The following XPO7 variants were observed in gnomAD, a reference collection of about 807,000 sequenced individuals.
XPO7 encodes exportin-7.
XPO7 carries 21 observed loss-of-function variants against 144.3 expected under a neutral mutation model. The observed-to-expected ratio is 0.15, with a 90% CI of 0.10 to 0.21. XPO7 has a LOEUF of 0.21. Among genes scored for constraint, XPO7 ranks in the 10% least tolerant of loss-of-function variants. The pLI, the probability that XPO7 is intolerant of heterozygous loss-of-function variation, is 1.00. For synonymous variants in XPO7, 580 were observed against 499.6 expected (o/e 1.16, Z -2.15); for missense variants, 808 against 1,325.8 (o/e 0.61, Z 6.06).
At chr8:21,946,058 C>G (rs1288140358) in intron 1 of XPO7, among the ~76,000 whole-genome samples, 1 of 152,098 alleles carries the variant, frequency 6.6e-6, no homozygotes, top group African/African-American at 2.4e-5. Flanking sequence ...TGGAGGTACT[C>G]GGGATTTCCA....
At chr8:21,923,329 C>T (rs1201236983) in intron 1 of XPO7, among the ~76,000 whole-genome samples, 1 of 152,152 alleles carries the variant, frequency 6.6e-6, no homozygotes, top group Non-Finnish European at 1.5e-5. Context: ...AGAAAGAATA[C>T]ATTGATTTCA....
chr8:21,974,207 A>AT (rs1233612498), intron 5 of XPO7, among the ~76,000 whole-genome samples: 1 of 144,714 alleles, frequency 6.9e-6, no homozygotes, highest in Admixed American at 6.9e-5. Context: ...TTTTATTTTT[A>AT]TTTTTTTTAG....
At chr8:21,920,040 C>T (rs892920401) in intron 1 of XPO7, among the ~76,000 whole-genome samples, 3 of 151,660 alleles carry the variant, frequency 2.0e-5, no homozygotes, top group African/African-American at 7.3e-5. Context: ...GAACGGGCAT[C>T]CCGGCGCGCG....
At chr8:21,943,708 A>G (rs1811068367) in intron 1 of XPO7, among the ~76,000 whole-genome samples, 1 of 152,200 alleles carries the variant, frequency 6.6e-6, no homozygotes, top group African/African-American at 2.4e-5. Flanking sequence ...AATATCTCAC[A>G]CATTTGAAAG....
intron 6 of XPO7, among the ~76,000 whole-genome samples, 200 bp downstream of exon 6, chr8:21,974,974 TC>T (rs768956361): frequency 4.5e-4 from 69 of 152,232 alleles, no homozygotes; most frequent in Non-Finnish European, 8.1e-4. Context: ...GATTGTCACT[TC>T]CCTGTTTAAG....
At chr8:22,003,754 G>T in intron 26 of XPO7, 149 bp from the exon 27 acceptor site, 6 of 1,152,512 alleles carry the variant, frequency 5.2e-6, no homozygotes, top group Non-Finnish European at 7.2e-6. Context: ...TCCCACAAGT[G>T]CTTGCCTGAA....
At chr8:21,956,718 TATGTTCTTTGA>T (rs1293850693) in intron 1 of XPO7, among the ~76,000 whole-genome samples, 3 of 152,146 alleles carry the variant, frequency 2.0e-5, no homozygotes, top group Non-Finnish European at 4.4e-5. Context: ...CATCTCTTTT[TATGTTCTTTGA>T]ATGTCTTTTT....
At chr8:21,974,198 T>C (rs1812154906) in intron 5 of XPO7, among the ~76,000 whole-genome samples, 1 of 148,924 alleles carries the variant, frequency 6.7e-6, no homozygotes, top group African/African-American at 2.5e-5. Context: ...TTTTTATTTT[T>C]TTATTTTTAT....
rs1264847289 is a variant in XPO7 at position 21,972,477 on chromosome 8, C to CA, written c.492+543dup. On this transcript the variant is annotated intron_variant, in intron 5 of 27. Transcript: ENST00000252512. ...GGGCAACAAGAGCGAAACTCCATCTCAAAAAAAGCAAAATACTACTGCCTT... is the reference window on the plus strand; with the variant it reads ...GGGCAACAAGAGCGAAACTCCATCTCAAAAAAAAGCAAAATACTACTGCCTT... 6.6e-5 allele frequency among the ~76,000 whole-genome samples: 10 copies of CA among 152,068 alleles called. No individual in the cohort carries two copies. The South Asian group carries it at 2.1e-3, about 32-fold the overall frequency.
intron 1 of XPO7, among the ~76,000 whole-genome samples, chr8:21,926,081 A>G (rs1810450325): frequency 6.6e-6 from 1 of 152,214 alleles, no homozygotes. Context: ...TGATGCCGGT[A>G]GGCTGAGAAA....
chr8:21,920,244 C>T (rs146770260), intron 1 of XPO7, among the ~76,000 whole-genome samples: 51 of 152,084 alleles, frequency 3.4e-4, no homozygotes, highest in Non-Finnish European at 4.4e-4. Flanking sequence ...AAACCTCGCT[C>T]TCCGGAGTCT....
chr8:21,928,511 C>CA (rs1279024970), intron 1 of XPO7, among the ~76,000 whole-genome samples: 1 of 152,170 alleles, frequency 6.6e-6, no homozygotes, highest in African/African-American at 2.4e-5. Flanking sequence ...GTCAATTTTC[C>CA]AAAATGACTG....
chr8:21,937,315 A>C (rs1432049159), intron 1 of XPO7, among the ~76,000 whole-genome samples: 1 of 152,218 alleles, frequency 6.6e-6, no homozygotes, highest in Non-Finnish European at 1.5e-5. Flanking sequence ...TGCTTTTTAA[A>C]ACATCTTGAT....
intron 1 of XPO7, chr8:21,966,221 G>C (rs187710127): frequency 3.9e-6 from 3 of 761,306 alleles, no homozygotes; most frequent in South Asian, 2.8e-5. Context: ...TTATTTTGAC[G>C]CTTTCATTTT....
At chr8:21,920,369 G>A (rs1406706607) in intron 1 of XPO7, among the ~76,000 whole-genome samples, 4 of 151,702 alleles carry the variant, frequency 2.6e-5, no homozygotes, top group African/African-American at 9.7e-5. Flanking sequence ...CGTACAGCCC[G>A]GAGGGCCGAG....
chr8:21,946,353 A>C (rs1270826840), intron 1 of XPO7, among the ~76,000 whole-genome samples: 1 of 152,192 alleles, frequency 6.6e-6, no homozygotes, highest in African/African-American at 2.4e-5. Flanking sequence ...CTTGAAAAAT[A>C]ATCAAATATA....
chr8:21,919,742 G>GC lies in XPO7; in HGVS notation c.-29_-28insC. 3 of 390,688 alleles carry GC rather than the reference G, an allele frequency of 7.7e-6. No individual in the cohort carries two copies. Among genetic ancestry groups the GC allele is most frequent in the Non-Finnish European group, 7.6e-6 (2 of 261,536 alleles). The allele number at this position is 390,688 out of a possible 1,614,324, so 24.2% of individuals were successfully genotyped here. A position where few individuals can be genotyped will look rare whatever the true frequency, so the allele number is the denominator to read the frequency against. On this transcript the variant is annotated 5_prime_UTR_variant, in exon 1 of 28. Transcript: ENST00000252512. Reference sequence around the variant, plus strand: ...CGAGGTGCGCGCTGGGGGGGAGGGGGGGCCGGAGAGGAGCATGAATGGAGC... The same window carrying GC: ...CGAGGTGCGCGCTGGGGGGGAGGGGGCGGCCGGAGAGGAGCATGAATGGAGC...
At chr8:22,000,933 A>T (rs1473573595) in intron 24 of XPO7, among the ~76,000 whole-genome samples, 1 of 152,122 alleles carries the variant, frequency 6.6e-6, no homozygotes, top group Non-Finnish European at 1.5e-5. Context: ...ATACACATTT[A>T]CTTCTATCAG....
chr8:21,992,071 CT>C, intron 19 of XPO7, 97 bp downstream of exon 19: 6 of 845,292 alleles, frequency 7.1e-6, no homozygotes, highest in Non-Finnish European at 1.1e-5. Context: ...ACTGCCATAG[CT>C]TTTTTTAATG....
Sources: gnomAD v4.1 joint callset for allele counts (sites outside exome capture counted in the v4.1 genomes callset) on GRCh38, gnomAD v4.1.1 for gene constraint, MANE v1.5 for transcripts, NCBI Gene and HGNC (gene_info 2026-07-23, HGNC 2026-07-21) for gene names.